NCOA3: variants seen among roughly 807,000 people sequenced by gnomAD.
NCOA3 encodes nuclear receptor coactivator 3, also known as CBP-interacting protein.
A neutral mutation model predicts 158.8 loss-of-function variants in NCOA3; 51 were observed. The observed-to-expected ratio is 0.32, with a 90% CI of 0.26 to 0.41. The LOEUF (loss-of-function observed/expected upper bound fraction) is 0.41, where lower values mean the gene tolerates loss of function less well. Among genes scored for constraint, NCOA3 ranks in the 10% least tolerant of loss-of-function variants. The pLI, the probability that NCOA3 is intolerant of heterozygous loss-of-function variation, is 1.00. For synonymous variants in NCOA3, 537 were observed against 592.4 expected (o/e 0.91, Z 1.36); for missense variants, 1,510 against 1,746.6 (o/e 0.86, Z 2.41).
At chr20:47,532,648 T>A (rs1211373720) in intron 1 of NCOA3, among the ~76,000 whole-genome samples, 2 of 152,002 alleles carry the variant, frequency 1.3e-5, no homozygotes, top group African/African-American at 4.8e-5. Flanking sequence ...AAAAAATTTT[T>A]TTTTCTTGTA....
chr20:47,590,953 G>A (rs541267257), intron 2 of NCOA3, among the ~76,000 whole-genome samples: 1 of 151,812 alleles, frequency 6.6e-6, no homozygotes, highest in African/African-American at 2.4e-5. Flanking sequence ...TACTAAAAAC[G>A]TAAAAATTAG....
intron 1 of NCOA3, among the ~76,000 whole-genome samples, chr20:47,560,174 G>A (rs2085074693): frequency 1.3e-5 from 2 of 152,092 alleles, no homozygotes; most frequent in South Asian, 2.1e-4. Context: ...TTGTCTCCTG[G>A]TTTCAAGCAA....
intron 1 of NCOA3, among the ~76,000 whole-genome samples, chr20:47,516,842 G>A (rs1199952965): frequency 6.6e-6 from 1 of 151,066 alleles, no homozygotes; most frequent in African/African-American, 2.4e-5. Flanking sequence ...TGGGAAAATT[G>A]CTTGAACTGA....
chr20:47,542,412 CCTCT>C (rs377375629), intron 1 of NCOA3, among the ~76,000 whole-genome samples: 26 of 151,746 alleles, frequency 1.7e-4, no homozygotes, highest in African/African-American at 5.8e-4. Flanking sequence ...TGTCCTCTGT[CCTCT>C]CTCTCTCTAT....
chr20:47,540,806 T>C (rs894670378), intron 1 of NCOA3, among the ~76,000 whole-genome samples: 2 of 152,132 alleles, frequency 1.3e-5, no homozygotes, highest in Non-Finnish European at 2.9e-5. Flanking sequence ...GCCAAATAAA[T>C]TGTACAAATA....
rs558104466 is a variant in NCOA3, at chr20:47,627,019, A to G, written c.375A>G (p.Leu125=). ...PLLLQALDGF[L]FVVNRDGNIV... Reference sequence around the variant, plus strand: ...TATTTTAGGCATTGGATGGTTTCCTATTTGTGGTGAATCGAGACGGAAACA... The same window carrying G: ...TATTTTAGGCATTGGATGGTTTCCTGTTTGTGGTGAATCGAGACGGAAACA... Residue 125 remains leucine, a synonymous_variant, in exon 6 of 23, where the codon CTA becomes CTG. Coordinates refer to ENST00000371998, the MANE Select transcript of NCOA3 (RefSeq NM_181659.3). 5 of 1,612,718 alleles carry G rather than the reference A, an allele frequency of 3.1e-6. No individual in the cohort carries two copies. Among genetic ancestry groups the G allele is most frequent in the Admixed American group, 1.7e-5 (1 of 59,754 alleles).
intron 1 of NCOA3, among the ~76,000 whole-genome samples, chr20:47,516,438 T>C (rs962779286): frequency 6.6e-6 from 1 of 152,106 alleles, no homozygotes. Context: ...GAGAATTTTA[T>C]TGGAATAAGA....
intron 1 of NCOA3, among the ~76,000 whole-genome samples, chr20:47,514,660 C>T (rs565615853): frequency 6.6e-6 from 1 of 150,640 alleles, no homozygotes; most frequent in Non-Finnish European, 1.5e-5. Flanking sequence ...TCCCAAAGTG[C>T]TGGGATCACA....
chr20:47,533,104 C>CAAAA (rs11344209), intron 1 of NCOA3, among the ~76,000 whole-genome samples: 10 of 39,698 alleles, frequency 2.5e-4, no homozygotes, highest in South Asian at 2.5e-3. Flanking sequence ...GACTCTGTCT[C>CAAAA]AAAAAAAAAA....
chr20:47,548,833 A>G (rs2084879888), intron 1 of NCOA3, among the ~76,000 whole-genome samples: 1 of 152,208 alleles, frequency 6.6e-6, no homozygotes. Context: ...GTTAGGCACA[A>G]GATGTGAAAT....
chr20:47,580,403 A>G (rs1201329376), intron 1 of NCOA3, among the ~76,000 whole-genome samples: 1 of 152,076 alleles, frequency 6.6e-6, no homozygotes, highest in Non-Finnish European at 1.5e-5. Context: ...TGTCTCTACA[A>G]AAATTAGCTG....
chr20:47,618,888 A>AT (rs1406557020), intron 2 of NCOA3, among the ~76,000 whole-genome samples: 8 of 152,182 alleles, frequency 5.3e-5, no homozygotes, highest in African/African-American at 1.4e-4. Context: ...GTGCTTATTA[A>AT]TTTTTTTGCA....
rs376699406 is a variant in NCOA3 at position 47,517,451 on chromosome 20, C to CTT, written c.-99+15448_-99+15449dup. Among the ~76,000 whole-genome samples, 863 of 129,254 alleles carry CTT rather than the reference C, an allele frequency of 6.7e-3. 19 individuals carry two copies. Among genetic ancestry groups the CTT allele is most frequent in the African/African-American group, 0.025 (796 of 31,776 alleles). 84.8% of individuals were successfully genotyped at this position (129,254 alleles called of 152,430 possible). ...TCTTCTTTTTTTCTTTTTTCTTTTT[C>CTT]TTTTTTTTTTTTTTTTTGAGAAGGA... On this transcript the variant is annotated intron_variant, in intron 1 of 22. Transcript: ENST00000371998.
In NCOA3 at chr20:47,593,334, A is replaced by ATTTTTTTTTT. The variant is rs71183267; in HGVS notation, c.-20+10092_-20+10101dup. 6.9e-4 allele frequency among the ~76,000 whole-genome samples: 44 copies of ATTTTTTTTTT among 63,754 alleles called. 5 individuals are homozygous for ATTTTTTTTTT. The highest frequency in any genetic ancestry group is 1.9e-3 in the African/African-American group (28 of 14,986). 41.8% of individuals were successfully genotyped at this position (63,754 alleles called of 152,430 possible). ...GGAGTACCTCCTCTTGAGTTGATGG[A>ATTTTTTTTTT]TTTTTTTTTTTTTTTTTTTTTTTTT... is the stretch of plus-strand genomic sequence containing the variant. On this transcript the variant is annotated intron_variant, in intron 2 of 22. Transcript: ENST00000371998.
chr20:47,507,043 T>G (rs2084041071), intron 1 of NCOA3, among the ~76,000 whole-genome samples: 2 of 152,292 alleles, frequency 1.3e-5, no homozygotes, highest in East Asian at 1.9e-4. Context: ...GGCTTTGCTT[T>G]GGTGGCTATG....
intron 17 of NCOA3, among the ~76,000 whole-genome samples, chr20:47,644,556 C>A (rs775619106): frequency 6.6e-6 from 1 of 152,078 alleles, no homozygotes; most frequent in Non-Finnish European, 1.5e-5. Context: ...TCTGGTGATC[C>A]CTGACTGTTC....
chr20:47,534,355 GCT>G (rs2084599484), intron 1 of NCOA3, among the ~76,000 whole-genome samples: 1 of 151,622 alleles, frequency 6.6e-6, no homozygotes, highest in Non-Finnish European at 1.5e-5. Context: ...TCTAGTTTGT[GCT>G]GTCCAACTTG....
chr20:47,517,787 A>G (rs2084260339), intron 1 of NCOA3, among the ~76,000 whole-genome samples: 2 of 152,232 alleles, frequency 1.3e-5, no homozygotes, highest in South Asian at 4.2e-4. Context: ...ATAAACTCCT[A>G]GATCACAAAG....
chr20:47,621,654 ATTTTTT>A lies in NCOA3; in HGVS notation c.-19-563_-19-558del, dbSNP rs749582388. On this transcript the variant is annotated intron_variant, in intron 2 of 22. Transcript: ENST00000371998. Reference sequence around the variant, plus strand: ...AGCATACTATTTTTCCATCAGTCAAATTTTTTTTTTTTTTTTTGAGACGGAGTCTAG... The same window carrying A: ...AGCATACTATTTTTCCATCAGTCAAATTTTTTTTTTTGAGACGGAGTCTAG... Among the ~76,000 whole-genome samples, 351 of 119,806 alleles carry A rather than the reference ATTTTTT, an allele frequency of 2.9e-3. 4 individuals carry two copies. The highest frequency in any genetic ancestry group is 0.011 in the African/African-American group (333 of 29,458). 78.6% of individuals were successfully genotyped at this position (119,806 alleles called of 152,430 possible).
Sources: allele counts gnomAD v4.1 joint callset (sites outside exome capture counted in the v4.1 genomes callset), GRCh38; gene constraint gnomAD v4.1.1; transcripts MANE v1.5; gene names NCBI Gene and HGNC (gene_info 2026-07-23, HGNC 2026-07-21).